Variants in RALGAPA1 observed in about 807,000 individuals in gnomAD.
The protein encoded by RALGAPA1 is ral GTPase-activating protein subunit alpha-1.
In RALGAPA1, 52 loss-of-function variants were observed where a neutral mutation model predicts 269.6. That is an observed-to-expected ratio of 0.19 (90% CI 0.15 to 0.24). The LOEUF is 0.24. Among genes scored for constraint, RALGAPA1 ranks in the 10% least tolerant of loss-of-function variants. The pLI, the probability that RALGAPA1 is intolerant of heterozygous loss-of-function variation, is 1.00. For synonymous variants in RALGAPA1, 817 were observed against 1,008.3 expected (o/e 0.81, Z 3.60); for missense variants, 1,917 against 3,013.9 (o/e 0.64, Z 8.52).
intron 38 of RALGAPA1, among the ~76,000 whole-genome samples, chr14:35,571,871 C>T (rs563959719): frequency 1.3e-5 from 2 of 152,160 alleles, no homozygotes; most frequent in African/African-American, 4.8e-5. Flanking sequence ...TAAATTCACA[C>T]ATAAGAAATT....
intron 39 of RALGAPA1, among the ~76,000 whole-genome samples, chr14:35,564,116 T>A (rs528913083): frequency 6.6e-6 from 1 of 152,302 alleles, no homozygotes; most frequent in African/African-American, 2.4e-5. Flanking sequence ...TAGCTACCAT[T>A]TTCTGAACTC....
At chr14:35,619,323 C>A (rs981037684) in intron 35 of RALGAPA1, among the ~76,000 whole-genome samples, 3 of 152,120 alleles carry the variant, frequency 2.0e-5, no homozygotes, top group African/African-American at 7.2e-5. Context: ...TGTATCAAAA[C>A]ATCTTATGTA....
At chr14:35,580,548 A>C (rs2057888019) in intron 37 of RALGAPA1, among the ~76,000 whole-genome samples, 1 of 152,206 alleles carries the variant, frequency 6.6e-6, no homozygotes, top group Admixed American at 6.5e-5. Context: ...TAATTTGCTC[A>C]AGAAGTATAG....
At position 35,809,086 on chromosome 14, in the gene RALGAPA1, C is replaced by G. The variant is rs925594825; in HGVS notation, c.-251G>C. ...ATGGCGGATCCCTCTCCCGGCCCTGCACGGAGCGAGGCAGACCCGGGCTGG... is the reference window on the plus strand; with the variant it reads ...ATGGCGGATCCCTCTCCCGGCCCTGGACGGAGCGAGGCAGACCCGGGCTGG... On this transcript the variant is annotated 5_prime_UTR_variant, in exon 1 of 42. Coordinates refer to ENST00000680220, the MANE Select transcript of RALGAPA1 (RefSeq NM_001346249.2). 1.1e-5 allele frequency: 6 copies of G among 549,662 alleles called. No homozygotes were observed. Among genetic ancestry groups the G allele is most frequent in the Non-Finnish European group, 1.5e-5 (5 of 325,544 alleles). The allele number at this position is 549,662 out of a possible 1,614,324, so 34.0% of individuals were successfully genotyped here.
intron 12 of RALGAPA1, among the ~76,000 whole-genome samples, chr14:35,737,446 T>C (rs984996905): frequency 6.6e-6 from 1 of 151,958 alleles, no homozygotes; most frequent in Non-Finnish European, 1.5e-5. Context: ...CCCAGCTGCA[T>C]ATAAAAATAC....
chr14:35,776,859 T>TA (rs1396041958), intron 1 of RALGAPA1, among the ~76,000 whole-genome samples: 1 of 151,802 alleles, frequency 6.6e-6, no homozygotes, highest in African/African-American at 2.4e-5. Context: ...CCCTAGAACT[T>TA]AGAGTATAAT....
intron 11 of RALGAPA1, among the ~76,000 whole-genome samples, chr14:35,739,323 T>C (rs1029645352): frequency 6.6e-6 from 1 of 152,210 alleles, no homozygotes; most frequent in Admixed American, 6.5e-5. Context: ...GTTTGTAATA[T>C]GCAAAAGGTT....
intron 16 of RALGAPA1, among the ~76,000 whole-genome samples, chr14:35,704,328 CACAG>C (rs2067614398): frequency 6.6e-6 from 1 of 151,946 alleles, no homozygotes; most frequent in Admixed American, 6.6e-5. Context: ...TAAGCAAAAC[CACAG>C]ACATACTCTC....
chr14:35,779,561 TAAAG>T (rs1304052669), intron 1 of RALGAPA1, among the ~76,000 whole-genome samples: 4 of 150,312 alleles, frequency 2.7e-5, no homozygotes, highest in African/African-American at 9.7e-5. Context: ...GAAATAATAA[TAAAG>T]AAATAATAAA....
At chr14:35,781,110 T>G (rs2075393344) in intron 1 of RALGAPA1, among the ~76,000 whole-genome samples, 1 of 152,114 alleles carries the variant, frequency 6.6e-6, no homozygotes, top group Non-Finnish European at 1.5e-5. Context: ...TGACAAACTG[T>G]CAGCTAGACT....
intron 31 of RALGAPA1, among the ~76,000 whole-genome samples, chr14:35,643,421 T>A (rs1015401359): frequency 2.0e-5 from 3 of 152,186 alleles, no homozygotes; most frequent in African/African-American, 7.2e-5. Context: ...GGAACCCTCA[T>A]ACACTGTTGG....
chr14:35,587,918 A>AT (rs1594717712), intron 37 of RALGAPA1, among the ~76,000 whole-genome samples: 1 of 151,466 alleles, frequency 6.6e-6, no homozygotes, highest in South Asian at 2.1e-4. Context: ...CTTTTATTTT[A>AT]TTTTTTTGAG....
intron 31 of RALGAPA1, among the ~76,000 whole-genome samples, chr14:35,637,361 CAA>C (rs1246304988): frequency 1.3e-5 from 2 of 152,020 alleles, no homozygotes; most frequent in Non-Finnish European, 2.9e-5. Context: ...ATAAATTTAA[CAA>C]AGAGATTGAA....
At chr14:35,597,157 T>C (rs1464362426) in intron 36 of RALGAPA1, among the ~76,000 whole-genome samples, 1 of 152,184 alleles carries the variant, frequency 6.6e-6, no homozygotes, top group East Asian at 1.9e-4. Flanking sequence ...TTTGTGAAAG[T>C]ACAGCTACGG....
At chr14:35,696,060 G>C (rs1353991821) in intron 17 of RALGAPA1, among the ~76,000 whole-genome samples, 1 of 152,156 alleles carries the variant, frequency 6.6e-6, no homozygotes. Flanking sequence ...CATTGACATA[G>C]TGCTAATGCC....
At chr14:35,551,778 C>A (rs2139137844) in intron 39 of RALGAPA1, among the ~76,000 whole-genome samples, 1 of 151,972 alleles carries the variant, frequency 6.6e-6, no homozygotes, top group East Asian at 1.9e-4. Flanking sequence ...AATCCTAATA[C>A]ACAGCTGCAC....
intron 1 of RALGAPA1, among the ~76,000 whole-genome samples, chr14:35,777,111 T>A (rs1424954455): frequency 1.3e-5 from 2 of 152,132 alleles, no homozygotes; most frequent in Non-Finnish European, 2.9e-5. Context: ...GTAATCACAT[T>A]TTAAGAAATA....
At position 35,549,219 on chromosome 14, in the gene RALGAPA1, T is replaced by C; in HGVS notation, c.7512A>G (p.Ala2504=). 1 of 1,613,064 alleles carries C rather than the reference T, an allele frequency of 6.2e-7. No individual in the cohort carries two copies. Among genetic ancestry groups the C allele is most frequent in the Non-Finnish European group, 8.5e-7 (1 of 1,179,288 alleles). ...PLYQNFYEER[A]RYLQTIVQHH... is the part of the protein sequence containing the mutation. ...GCTGGACAATTGTTTGCAGGTATCG[T>C]GCTCTCTCCTCATAGCTGATTTCCT... Residue 2504 remains alanine (A), a synonymous_variant, in exon 40 of 42, where the codon GCA becomes GCG. Transcript: ENST00000680220.
chr14:35,765,090 T>C (rs1203611210), intron 4 of RALGAPA1, among the ~76,000 whole-genome samples: 1 of 152,232 alleles, frequency 6.6e-6, no homozygotes, highest in African/African-American at 2.4e-5. Context: ...GGATTTATGA[T>C]GTTCAAATGA....
Sources: gnomAD v4.1 joint callset for allele counts (sites outside exome capture counted in the v4.1 genomes callset) on GRCh38, gnomAD v4.1.1 for gene constraint, MANE v1.5 for transcripts, NCBI Gene and HGNC (gene_info 2026-07-23, HGNC 2026-07-21) for gene names.